Variants in CTNNBIP1 observed in about 807,000 individuals in gnomAD.
The protein encoded by CTNNBIP1 is beta-catenin-interacting protein 1.
Under a neutral mutation model 11.8 loss-of-function variants are expected in CTNNBIP1, and 7 were observed. That is an observed-to-expected ratio of 0.60 (90% CI 0.34 to 1.12). CTNNBIP1 has a LOEUF of 1.12. Among genes scored for constraint, CTNNBIP1 ranks in the 50% most tolerant of loss-of-function variants. CTNNBIP1 has a pLI of 0.03. For synonymous variants in CTNNBIP1, 58 were observed against 43.9 expected (o/e 1.32, Z -1.26); for missense variants, 101 against 113.4 (o/e 0.89, Z 0.50).
rs1570552803 is a variant in CTNNBIP1, at chr1:9,851,785, T to C, written c.188-1009A>G. On this transcript the variant is annotated intron_variant, in intron 5 of 5. Transcript: ENST00000377263. The surrounding 1 kb of genome is among the most constrained non-coding windows in gnomAD (Gnocchi z 4.8). ...TCTGATGAGTGGCCAGGACAGGCAG[T>C]GGCAGGAGGGCAAAGCTCGAAATGC... 6.6e-6 allele frequency among the ~76,000 whole-genome samples: 1 copy of C among 152,140 alleles called. No homozygotes were observed. The highest frequency in any genetic ancestry group is 1.9e-4 in the East Asian group (1 of 5,188).
chr1:9,888,521 C>T (rs1421886465), intron 1 of CTNNBIP1, among the ~76,000 whole-genome samples: 1 of 151,394 alleles, frequency 6.6e-6, no homozygotes, highest in Non-Finnish European at 1.5e-5. Context: ...CACTGCACTC[C>T]AGCCTGGGTG....
At chr1:9,874,883 A>G (rs1044980649) in intron 3 of CTNNBIP1, among the ~76,000 whole-genome samples, 9 of 152,216 alleles carry the variant, frequency 5.9e-5, no homozygotes, top group Non-Finnish European at 1.2e-4. Context: ...GCCTTGGGCT[A>G]TTGTGTTCTC....
At chr1:9,861,482 C>T (rs1638625017) in intron 5 of CTNNBIP1, among the ~76,000 whole-genome samples, 2 of 152,224 alleles carry the variant, frequency 1.3e-5, no homozygotes, top group African/African-American at 4.8e-5. Flanking sequence ...ACAGCATACA[C>T]TTGGGTTGCT....
At chr1:9,875,642 G>A (rs1048036615) in intron 3 of CTNNBIP1, among the ~76,000 whole-genome samples, 7 of 152,198 alleles carry the variant, frequency 4.6e-5, no homozygotes, top group Non-Finnish European at 8.8e-5. Flanking sequence ...AGTTCTTCTC[G>A]CTACAGAGAA....
chr1:9,863,176 C>A (rs1189930457), intron 5 of CTNNBIP1, among the ~76,000 whole-genome samples: 1 of 152,202 alleles, frequency 6.6e-6, no homozygotes, highest in East Asian at 1.9e-4. Context: ...TCAGCACATT[C>A]CTCGCTTTTC....
intron 5 of CTNNBIP1, among the ~76,000 whole-genome samples, chr1:9,858,327 G>A (rs1179547126): frequency 1.3e-5 from 2 of 152,104 alleles, no homozygotes; most frequent in African/African-American, 4.8e-5. Flanking sequence ...TCTACTGCAA[G>A]ACTGCTCATC....
intron 5 of CTNNBIP1, among the ~76,000 whole-genome samples, chr1:9,866,992 G>T (rs1002553001): frequency 1.1e-4 from 16 of 152,162 alleles, no homozygotes; most frequent in African/African-American, 3.9e-4. Flanking sequence ...GCATTGGTCA[G>T]GGCAGAGCAC....
intron 5 of CTNNBIP1, among the ~76,000 whole-genome samples, chr1:9,857,672 G>A (rs1035777747): frequency 4.6e-5 from 7 of 151,924 alleles, no homozygotes; most frequent in South Asian, 2.1e-4. Context: ...GTGGTGGTGC[G>A]CTCCTGTAGT....
intron 5 of CTNNBIP1, among the ~76,000 whole-genome samples, chr1:9,855,634 T>C (rs116347622): frequency 6.6e-5 from 10 of 151,734 alleles, no homozygotes; most frequent in African/African-American, 2.4e-4. Context: ...TAACCTGAAA[T>C]GGATAAATGA....
rs1199479293 is a variant in CTNNBIP1, at chr1:9,867,060, C to T, written c.187+4127G>A. On this transcript the variant is annotated intron_variant, in intron 5 of 5. Transcript: ENST00000377263. This position sits in a 1 kb window ranked among gnomAD's most constrained non-coding sequence, Gnocchi z 4.6. The stretch of plus-strand genomic sequence containing the variant: ...GGCTGTGGTGATGCTGGCCAACAGT[C>T]AGCTGGCTATGTTCTCTGTTGAGAT... 1.3e-5 allele frequency among the ~76,000 whole-genome samples: 2 copies of T among 152,158 alleles called. No homozygotes were observed. The highest frequency in any genetic ancestry group is 1.5e-5 in the Non-Finnish European group (1 of 68,020).
At chr1:9,874,388 G>T (rs1421007886) in intron 3 of CTNNBIP1, among the ~76,000 whole-genome samples, 1 of 152,110 alleles carries the variant, frequency 6.6e-6, no homozygotes, top group East Asian at 1.9e-4. Context: ...CTAACTAGCT[G>T]GGACCACAGA....
chr1:9,856,048 TGAGGCAC>T (rs1156457990), intron 5 of CTNNBIP1, among the ~76,000 whole-genome samples: 1 of 152,044 alleles, frequency 6.6e-6, no homozygotes, highest in Non-Finnish European at 1.5e-5. Context: ...CTCGGGAAGC[TGAGGCAC>T]GAGAATTGTT....
rs1198721321 is a variant in CTNNBIP1, at chr1:9,872,838, AGGAGGAGCT to A, written c.-24-759_-24-751del. ...GAGAAGTCCAGAGCCCCCTCCCTCC[AGGAGGAGCT>A]GGAGGAGAGGAAGCTGGGTATGGAG... On this transcript the variant is annotated intron_variant, in intron 3 of 5. Coordinates refer to ENST00000377263, the MANE Select transcript of CTNNBIP1 (RefSeq NM_020248.3). This position sits in a 1 kb window ranked among gnomAD's most constrained non-coding sequence, Gnocchi z 4.0. Among the ~76,000 whole-genome samples, 2 of 152,326 alleles carry A rather than the reference AGGAGGAGCT, an allele frequency of 1.3e-5. No homozygotes were observed. Among genetic ancestry groups the A allele is most frequent in the African/African-American group, 4.8e-5 (2 of 41,570 alleles).
chr1:9,903,558 A>C (rs1172981088), intron 1 of CTNNBIP1, among the ~76,000 whole-genome samples: 1 of 152,234 alleles, frequency 6.6e-6, no homozygotes, highest in African/African-American at 2.4e-5. Context: ...TAGGTCTTTA[A>C]TAACTGAGTA....
chr1:9,868,426 A>C (rs910818537), intron 5 of CTNNBIP1, among the ~76,000 whole-genome samples: 2 of 152,242 alleles, frequency 1.3e-5, no homozygotes, highest in Non-Finnish European at 2.9e-5. Flanking sequence ...AAGTGGGGTC[A>C]CTGACCTTCC....
intron 1 of CTNNBIP1, among the ~76,000 whole-genome samples, chr1:9,907,752 T>C (rs1639645347): frequency 6.6e-6 from 1 of 152,220 alleles, no homozygotes; most frequent in African/African-American, 2.4e-5. Context: ...AGTTTTGCTT[T>C]GCAGCTCTCC....
At chr1:9,868,175 T>C (rs1276496394) in intron 5 of CTNNBIP1, among the ~76,000 whole-genome samples, 1 of 152,060 alleles carries the variant, frequency 6.6e-6, no homozygotes, top group African/African-American at 2.4e-5. Flanking sequence ...TTTATGGAGG[T>C]AGGGGCAGTC....
At chr1:9,885,812 C>T (rs1639176841) in intron 1 of CTNNBIP1, among the ~76,000 whole-genome samples, 1 of 151,838 alleles carries the variant, frequency 6.6e-6, no homozygotes, top group Admixed American at 6.6e-5. Flanking sequence ...GTTGGTAGTG[C>T]ATGCCTGTAC....
chr1:9,880,304 G>T (rs532029099), intron 2 of CTNNBIP1, among the ~76,000 whole-genome samples: 2 of 152,196 alleles, frequency 1.3e-5, no homozygotes, highest in Non-Finnish European at 1.5e-5. Context: ...CAAAGGACAC[G>T]ATCTCATTCT....
Sources: gnomAD v4.1 joint callset for allele counts (sites outside exome capture counted in the v4.1 genomes callset) on GRCh38, gnomAD v4.1.1 for gene constraint, Gnocchi (gnomAD v3.1) non-coding constraint, MANE v1.5 for transcripts, NCBI Gene and HGNC (gene_info 2026-07-23, HGNC 2026-07-21) for gene names.